RNLS: variants seen among roughly 807,000 people sequenced by gnomAD.
The protein encoded by RNLS is renalase.
In RNLS, 39 loss-of-function variants were observed where a neutral mutation model predicts 39.8. That is an observed-to-expected ratio of 0.98 (90% CI 0.76 to 1.28). RNLS has a LOEUF of 1.28. Among genes scored for constraint, RNLS ranks in the 50% most tolerant of loss-of-function variants. RNLS has a pLI of 0.00. For synonymous variants in RNLS, 147 were observed against 150.7 expected (o/e 0.98, Z 0.18); for missense variants, 410 against 413.3 (o/e 0.99, Z 0.07).
At chr10:88,368,234 A>C (rs115352558) in intron 4 of RNLS, among the ~76,000 whole-genome samples, 1 of 152,032 alleles carries the variant, frequency 6.6e-6, no homozygotes, top group African/African-American at 2.4e-5. Context: ...TATATCGAAT[A>C]CTACTTCCCC....
Position 88,436,763 on chromosome 10 carries a change from T to A in RNLS, c.527-74038A>T, listed in dbSNP as rs569437258. Among the ~76,000 whole-genome samples, 12 of 152,080 alleles carry A rather than the reference T, an allele frequency of 7.9e-5. No individual in the cohort carries two copies. In the East Asian group the frequency reaches 1.3e-3, roughly 17 times the overall value. ...AATTAGATAAAAGTCTTTTTTTTTTTAAAGGGAATGCAGGAAAGCTTGGGA... is the reference window on the plus strand; with the variant it reads ...AATTAGATAAAAGTCTTTTTTTTTTAAAAGGGAATGCAGGAAAGCTTGGGA... On this transcript the variant is annotated intron_variant, in intron 4 of 6. Coordinates refer to ENST00000331772, the MANE Select transcript of RNLS (RefSeq NM_001031709.3).
chr10:88,315,637 A>G (rs1269296309), intron 5 of RNLS, among the ~76,000 whole-genome samples: 1 of 152,142 alleles, frequency 6.6e-6, no homozygotes, highest in Non-Finnish European at 1.5e-5. Flanking sequence ...TGGTAATACA[A>G]TGATCTATTT....
At chr10:88,525,897 AATTAGCTGCCCAGGT>A (rs1194347806) in intron 4 of RNLS, among the ~76,000 whole-genome samples, 2 of 152,062 alleles carry the variant, frequency 1.3e-5, no homozygotes, top group Non-Finnish European at 2.9e-5. Flanking sequence ...CACAAATATG[AATTAGCTGCCCAGGT>A]CTCCTCAGCC....
At position 88,314,520 on chromosome 10, in the gene RNLS, C is replaced by T. The variant is rs751111089; in HGVS notation, c.822G>A (p.Leu274=). The T allele has an allele frequency of 6.2e-7, 1 of 1,613,968 alleles. No individual in the cohort carries two copies. The highest frequency in any genetic ancestry group is 1.1e-5 in the South Asian group (1 of 91,078). ...ELVFQQLENI[L]PGLPQPIATK... is the part of the protein sequence containing the mutation. ...TAGCAATTGGCTGAGGCAAACCCGG[C>T]AAAATGTTTTCCAGCTGCTGGAAGA... The change falls in exon 6 of 7, where the codon TTG becomes TTA. Residue 274 remains leucine, a synonymous_variant. Coordinates refer to ENST00000331772, the MANE Select transcript of RNLS (RefSeq NM_001031709.3).
intron 4 of RNLS, among the ~76,000 whole-genome samples, chr10:88,509,935 T>C (rs1317863661): frequency 6.6e-6 from 1 of 152,204 alleles, no homozygotes; most frequent in African/African-American, 2.4e-5. Context: ...AGATGACTTA[T>C]CAAGCCCCAT....
At chr10:88,383,224 C>A (rs1851659121) in intron 4 of RNLS, among the ~76,000 whole-genome samples, 1 of 152,054 alleles carries the variant, frequency 6.6e-6, no homozygotes, top group African/African-American at 2.4e-5. Context: ...AGTAACATTT[C>A]ATTATGATTT....
At chr10:88,412,255 C>G (rs533488677) in intron 4 of RNLS, among the ~76,000 whole-genome samples, 27 of 151,994 alleles carry the variant, frequency 1.8e-4, no homozygotes, top group Non-Finnish European at 2.8e-4. Context: ...GGAACTCTTA[C>G]GTGGATCCTA....
At chr10:88,538,219 C>T (rs925317751) in intron 4 of RNLS, among the ~76,000 whole-genome samples, 8 of 152,150 alleles carry the variant, frequency 5.3e-5, no homozygotes, top group African/African-American at 1.9e-4. Context: ...CCCACAAATA[C>T]ATGAAAGTGT....
In RNLS at chr10:88,284,700, G is replaced by C; in HGVS notation, c.*654C>G. On this transcript the variant is annotated 3_prime_UTR_variant, in exon 7 of 7. Transcript: ENST00000331772. Reference sequence around the variant, plus strand: ...TTCATATTAGGACTGGAATTTGTTTGAAAGTTAAAAAGTACTGTGTGGCTG... The same window carrying C: ...TTCATATTAGGACTGGAATTTGTTTCAAAGTTAAAAAGTACTGTGTGGCTG... The C allele has an allele frequency of 1.0e-6, 1 of 985,284 alleles. No individual in the cohort carries two copies. The allele number at this position is 985,284 out of a possible 1,614,324, so 61.0% of individuals were successfully genotyped here. A position where few individuals can be genotyped will look rare whatever the true frequency, so the allele number is the denominator to read the frequency against.
chr10:88,476,474 T>A (rs1327319031), intron 4 of RNLS, among the ~76,000 whole-genome samples: 1 of 152,148 alleles, frequency 6.6e-6, no homozygotes, highest in African/African-American at 2.4e-5. Flanking sequence ...CCCTTTAATC[T>A]TGATGCATAT....
chr10:88,378,265 T>C (rs1375982036), intron 4 of RNLS, among the ~76,000 whole-genome samples: 1 of 152,114 alleles, frequency 6.6e-6, no homozygotes, highest in Non-Finnish European at 1.5e-5. Flanking sequence ...AATATGGTAT[T>C]GGAGCTCAGA....
intron 4 of RNLS, among the ~76,000 whole-genome samples, chr10:88,503,936 T>G (rs1845642317): frequency 6.6e-6 from 1 of 152,154 alleles, no homozygotes; most frequent in Non-Finnish European, 1.5e-5. Flanking sequence ...CTCATCATAT[T>G]CTACAGGAAG....
chr10:88,347,899 T>G (rs1311984053), intron 5 of RNLS, among the ~76,000 whole-genome samples: 1 of 152,124 alleles, frequency 6.6e-6, no homozygotes, highest in African/African-American at 2.4e-5. Context: ...CATCTTATCT[T>G]TATAAATGCT....
At chr10:88,469,507 TC>T in intron 4 of RNLS, among the ~76,000 whole-genome samples, 1 of 152,102 alleles carries the variant, frequency 6.6e-6, no homozygotes, top group Non-Finnish European at 1.5e-5. Context: ...TATGGGGTGC[TC>T]AGGTACAGAC....
At chr10:88,575,068 T>C (rs1346724092) in intron 3 of RNLS, among the ~76,000 whole-genome samples, 1 of 148,092 alleles carries the variant, frequency 6.8e-6, no homozygotes, top group Non-Finnish European at 1.5e-5. Flanking sequence ...AAATTCTTCA[T>C]GCCCCAGATG....
chr10:88,443,478 G>C (rs1396541760), intron 4 of RNLS, among the ~76,000 whole-genome samples: 1 of 152,154 alleles, frequency 6.6e-6, no homozygotes, highest in Non-Finnish European at 1.5e-5. Context: ...CAGGACAGTG[G>C]GTGCAGCACA....
At chr10:88,295,368 A>T (rs947955460) in intron 6 of RNLS, among the ~76,000 whole-genome samples, 5 of 152,100 alleles carry the variant, frequency 3.3e-5, no homozygotes, top group Non-Finnish European at 5.9e-5. Context: ...ATTCATAAAG[A>T]GCTTTATCAA....
chr10:88,251,859 G>T, the RNLS span, among the ~76,000 whole-genome samples: 4 of 152,304 alleles, frequency 2.6e-5, no homozygotes, highest in African/African-American at 9.6e-5. Flanking sequence ...TGAGGCCCAG[G>T]TCCAGGAGAC....
intron 4 of RNLS, among the ~76,000 whole-genome samples, chr10:88,369,739 G>T (rs919891877): frequency 6.6e-6 from 1 of 152,092 alleles, no homozygotes. Context: ...GAGTGCAGAG[G>T]TGCAATCTTT....
Sources: allele counts gnomAD v4.1 joint callset (sites outside exome capture counted in the v4.1 genomes callset), GRCh38; gene constraint gnomAD v4.1.1; transcripts MANE v1.5; gene names NCBI Gene and HGNC (gene_info 2026-07-23, HGNC 2026-07-21).